The following UBE2G1 variants were observed in gnomAD, a reference collection of about 807,000 sequenced individuals.
UBE2G1 encodes the protein ubiquitin conjugating enzyme E2 G1.
UBE2G1 carries 5 observed loss-of-function variants against 22.7 expected under a neutral mutation model. The ratio of observed to expected loss-of-function variants is 0.22; its 90% confidence interval spans 0.12 to 0.46. The LOEUF (loss-of-function observed/expected upper bound fraction) is 0.46, where lower values mean the gene tolerates loss of function less well. UBE2G1 is among the 20% of genes least tolerant of loss of function. The probability of loss-of-function intolerance (pLI) is 0.99; values close to 1 mark genes in which losing one functional copy is unlikely to be tolerated. For synonymous variants in UBE2G1, 74 were observed against 67.5 expected (o/e 1.10, Z -0.47); for missense variants, 88 against 203.9 (o/e 0.43, Z 3.46).
chr17:4,364,607 G>A (rs1463423282), intron 1 of UBE2G1, among the ~76,000 whole-genome samples: 4 of 138,524 alleles, frequency 2.9e-5, no homozygotes, highest in Non-Finnish European at 6.2e-5. Context: ...TTTGAACAGA[G>A]TCTCGCTCTG....
chr17:4,362,057 C>T (rs1168681415), intron 1 of UBE2G1, among the ~76,000 whole-genome samples: 1 of 150,214 alleles, frequency 6.7e-6, no homozygotes, highest in African/African-American at 2.4e-5. Flanking sequence ...TTTTTTTGTA[C>T]TCTTTGCATT....
At chr17:4,309,571 G>A (rs1567520311) in intron 1 of UBE2G1, among the ~76,000 whole-genome samples, 1 of 152,150 alleles carries the variant, frequency 6.6e-6, no homozygotes, top group Admixed American at 6.6e-5. Context: ...TTAAAAAACA[G>A]AAAGTCCCAC....
chr17:4,345,667 G>A (rs999361425), intron 1 of UBE2G1: 3 of 152,112 alleles, frequency 2.0e-5, no homozygotes, highest in Non-Finnish European at 4.4e-5. Context: ...GAGATATCTG[G>A]TACTCCATTG....
At chr17:4,279,788 T>TATATAC (rs1488516634) in intron 5 of UBE2G1, among the ~76,000 whole-genome samples, 2 of 113,238 alleles carry the variant, frequency 1.8e-5, no homozygotes, top group East Asian at 2.1e-4. Flanking sequence ...AAAAAAGTTA[T>TATATAC]ATATATATAT....
chr17:4,345,301 A>G (rs1969756212), intron 1 of UBE2G1, among the ~76,000 whole-genome samples: 1 of 152,256 alleles, frequency 6.6e-6, no homozygotes, highest in African/African-American at 2.4e-5. Flanking sequence ...AAATAATCAA[A>G]TAATCTTTCC....
intron 1 of UBE2G1, among the ~76,000 whole-genome samples, chr17:4,362,765 G>A (rs865983828): frequency 2.0e-5 from 3 of 152,102 alleles, no homozygotes; most frequent in Admixed American, 6.6e-5. Context: ...GGCCGCAGGG[G>A]GCAGCAGAAT....
intron 4 of UBE2G1, among the ~76,000 whole-genome samples, chr17:4,288,704 T>G (rs1968999692): frequency 1.3e-5 from 2 of 152,158 alleles, no homozygotes; most frequent in African/African-American, 2.4e-5. Flanking sequence ...CTAAATTTGG[T>G]GTCACAGTTT....
intron 4 of UBE2G1, among the ~76,000 whole-genome samples, chr17:4,283,203 A>C (rs1443940320): frequency 1.3e-5 from 2 of 152,252 alleles, no homozygotes; most frequent in Non-Finnish European, 2.9e-5. Context: ...CTGAAATAGA[A>C]AGCTAAAATA....
intron 1 of UBE2G1, among the ~76,000 whole-genome samples, chr17:4,328,458 G>A (rs1183689669): frequency 1.3e-5 from 2 of 152,108 alleles, no homozygotes; most frequent in Admixed American, 6.6e-5. Flanking sequence ...AAATATTTTC[G>A]CCAGCAAGAG....
In UBE2G1 at chr17:4,271,240, C is replaced by T. The variant is rs564929760; in HGVS notation, c.*1314G>A. 6.5e-6 allele frequency: 1 copy of T among 152,702 alleles called. No homozygotes were observed. The highest frequency in any genetic ancestry group is 2.4e-5 in the African/African-American group (1 of 41,548). 9.5% of individuals were successfully genotyped at this position (152,702 alleles called of 1,614,324 possible). A position where few individuals can be genotyped will look rare whatever the true frequency, so the allele number is the denominator to read the frequency against. On this transcript the variant is annotated 3_prime_UTR_variant, in exon 6 of 6. Coordinates refer to ENST00000396981, the MANE Select transcript of UBE2G1 (RefSeq NM_003342.5). ...TATACGTCAAATAGCAAAGCATTTA[C>T]CCCTGTAATGCTTTTAGATTCACAG...
At chr17:4,328,339 T>C (rs1567524394) in intron 1 of UBE2G1, among the ~76,000 whole-genome samples, 1 of 152,238 alleles carries the variant, frequency 6.6e-6, no homozygotes, top group African/African-American at 2.4e-5. Context: ...TTTTATGTTG[T>C]CCAAAATATC....
chr17:4,309,503 T>C (rs779418472), intron 1 of UBE2G1, among the ~76,000 whole-genome samples: 1 of 152,262 alleles, frequency 6.6e-6, no homozygotes, highest in Non-Finnish European at 1.5e-5. Flanking sequence ...ATTTTCACTG[T>C]TATTTTGTTT....
chr17:4,317,326 G>C (rs1192391534), intron 1 of UBE2G1, among the ~76,000 whole-genome samples: 1 of 152,192 alleles, frequency 6.6e-6, no homozygotes, highest in Non-Finnish European at 1.5e-5. Context: ...CTACAGCCTA[G>C]GCGACAAGAG....
At chr17:4,356,890 T>A (rs565514796) in intron 1 of UBE2G1, among the ~76,000 whole-genome samples, 21 of 152,286 alleles carry the variant, frequency 1.4e-4, no homozygotes, top group East Asian at 3.9e-4. Flanking sequence ...TGACTTTTTT[T>A]AAAAACTTCT....
intron 1 of UBE2G1, among the ~76,000 whole-genome samples, chr17:4,355,624 A>T (rs1433333295): frequency 6.8e-6 from 1 of 148,138 alleles, no homozygotes; most frequent in Non-Finnish European, 1.5e-5. Flanking sequence ...CCTGGGCAAC[A>T]AGAGTGAAAC....
At chr17:4,280,985 T>C (rs2143680778) in intron 5 of UBE2G1, among the ~76,000 whole-genome samples, 1 of 152,292 alleles carries the variant, frequency 6.6e-6, no homozygotes, top group South Asian at 2.1e-4. Flanking sequence ...AGGAACACTT[T>C]AGAAAACAAT....
At chr17:4,287,287 A>G (rs879617004) in intron 4 of UBE2G1, among the ~76,000 whole-genome samples, 1 of 150,832 alleles carries the variant, frequency 6.6e-6, no homozygotes, top group African/African-American at 2.4e-5. Context: ...TTGTATTTTT[A>G]GTTAAGACGG....
chr17:4,362,387 T>C (rs1302435739), intron 1 of UBE2G1, among the ~76,000 whole-genome samples: 4 of 152,200 alleles, frequency 2.6e-5, no homozygotes, highest in Admixed American at 2.6e-4. Context: ...CATTTATGGT[T>C]GTCACAACTA....
chr17:4,319,723 G>A (rs1329005114), intron 1 of UBE2G1, among the ~76,000 whole-genome samples: 82 of 137,916 alleles, frequency 5.9e-4, no homozygotes, highest in Admixed American at 2.2e-3. Context: ...CACCTGTGTC[G>A]AAAAAAAAAA....
Sources: allele counts gnomAD v4.1 joint callset (sites outside exome capture counted in the v4.1 genomes callset), GRCh38; gene constraint gnomAD v4.1.1; transcripts MANE v1.5; gene names NCBI Gene and HGNC (gene_info 2026-07-23, HGNC 2026-07-21).